SERGEF: variants seen among roughly 807,000 people sequenced by gnomAD.
The protein encoded by SERGEF is secretion-regulating guanine nucleotide exchange factor.
In SERGEF, 51 loss-of-function variants were observed where a neutral mutation model predicts 50.0. The ratio of observed to expected loss-of-function variants is 1.02; its 90% CI spans 0.81 to 1.29. The LOEUF (loss-of-function observed/expected upper bound fraction) is 1.29, where lower values mean the gene tolerates loss of function less well. Ranked by LOEUF, SERGEF falls within the 50% of genes most tolerant of loss-of-function variation. The pLI, the probability that SERGEF is intolerant of heterozygous loss-of-function variation, is 0.00. For synonymous variants in SERGEF, 205 were observed against 212.4 expected (o/e 0.97, Z 0.30); for missense variants, 521 against 557.0 (o/e 0.94, Z 0.65).
At chr11:17,842,476 C>T (rs1467891124) in intron 10 of SERGEF, among the ~76,000 whole-genome samples, 10 of 152,152 alleles carry the variant, frequency 6.6e-5, no homozygotes, top group Admixed American at 6.5e-4. Flanking sequence ...GGCGTGGTAC[C>T]AAGACCATGC....
At chr11:17,937,154 G>A (rs952700389) in intron 9 of SERGEF, among the ~76,000 whole-genome samples, 2 of 151,892 alleles carry the variant, frequency 1.3e-5, no homozygotes, top group Admixed American at 6.6e-5. Flanking sequence ...TATAATTGTA[G>A]GTGGAAATAT....
intron 9 of SERGEF, among the ~76,000 whole-genome samples, chr11:17,883,965 G>A (rs189562915): frequency 7.9e-5 from 12 of 152,258 alleles, no homozygotes; most frequent in African/African-American, 2.9e-4. Flanking sequence ...CGGAAGAGTG[G>A]GGTGGGAAAC....
chr11:17,924,046 C>T (rs1422391841), intron 9 of SERGEF, among the ~76,000 whole-genome samples: 2 of 152,162 alleles, frequency 1.3e-5, no homozygotes. Context: ...AATCTCTACA[C>T]CCAAGGAGGA....
intron 10 of SERGEF, among the ~76,000 whole-genome samples, chr11:17,827,683 A>G (rs1404317523): frequency 6.6e-6 from 1 of 152,134 alleles, no homozygotes; most frequent in Non-Finnish European, 1.5e-5. Flanking sequence ...CAGATTTGGG[A>G]AATGATCCTC....
chr11:17,849,692 T>C (rs985470366), intron 10 of SERGEF, among the ~76,000 whole-genome samples: 2 of 152,214 alleles, frequency 1.3e-5, no homozygotes, highest in African/African-American at 4.8e-5. Flanking sequence ...TTTATATACA[T>C]TATTTAGAAT....
At chr11:17,975,319 C>T (rs1286133792) in intron 8 of SERGEF, among the ~76,000 whole-genome samples, 1 of 152,194 alleles carries the variant, frequency 6.6e-6, no homozygotes, top group Non-Finnish European at 1.5e-5. Context: ...TGGTAAAATG[C>T]CTGGCATACA....
At chr11:17,846,490 G>T (rs777346767) in intron 10 of SERGEF, 11 of 355,938 alleles carry the variant, frequency 3.1e-5, no homozygotes, top group Non-Finnish European at 5.5e-5. Context: ...TCCTGATTCA[G>T]ATAAGTTCAG....
rs552074752 is a variant in SERGEF at position 17,968,386 on chromosome 11, G to A, written c.845-8750C>T. 2.0e-5 allele frequency among the ~76,000 whole-genome samples: 3 copies of A among 152,334 alleles called. No homozygotes were observed. In the East Asian group the frequency reaches 5.8e-4, roughly 29 times the overall value. On this transcript the variant is annotated intron_variant, in intron 8 of 10. Transcript: ENST00000265965. ...GAGCACTTTCTATACACCAGGTGCT[G>A]TCCTAGGTGCTAGGGGCTACTGCAC...
At chr11:17,948,394 C>G (rs745503595) in intron 9 of SERGEF, among the ~76,000 whole-genome samples, 5 of 152,134 alleles carry the variant, frequency 3.3e-5, no homozygotes, top group African/African-American at 9.7e-5. Context: ...AAGATCAAGC[C>G]GCAGTGTAGT....
At chr11:17,863,233 C>A (rs1850958197) in intron 10 of SERGEF, among the ~76,000 whole-genome samples, 1 of 152,218 alleles carries the variant, frequency 6.6e-6, no homozygotes, top group Admixed American at 6.5e-5. Context: ...TACTTAACTA[C>A]ATCACTTCAG....
chr11:17,994,475 CAAAA>C (rs58280362), intron 6 of SERGEF, among the ~76,000 whole-genome samples: 2 of 63,714 alleles, frequency 3.1e-5, no homozygotes, highest in African/African-American at 6.9e-5. Context: ...GACTCTGTCT[CAAAA>C]AAAAAAAAAA....
intron 10 of SERGEF, among the ~76,000 whole-genome samples, chr11:17,851,592 T>C (rs1850714980): frequency 6.6e-6 from 1 of 152,134 alleles, no homozygotes; most frequent in Non-Finnish European, 1.5e-5. Context: ...TTTACTGCTG[T>C]GCTCCCCAAA....
intron 10 of SERGEF, among the ~76,000 whole-genome samples, chr11:17,832,576 TG>T (rs1277797009): frequency 6.6e-6 from 1 of 152,186 alleles, no homozygotes; most frequent in Admixed American, 6.5e-5. Flanking sequence ...AGGCAGAGGT[TG>T]GAACAGTTTG....
intron 8 of SERGEF, among the ~76,000 whole-genome samples, chr11:17,960,299 C>G (rs1852970746): frequency 6.6e-6 from 1 of 152,192 alleles, no homozygotes; most frequent in Non-Finnish European, 1.5e-5. Context: ...CCCCCAGATG[C>G]ACCACATGGG....
chr11:17,948,958 G>A (rs1222259914), intron 9 of SERGEF, among the ~76,000 whole-genome samples: 3 of 152,194 alleles, frequency 2.0e-5, no homozygotes, highest in Non-Finnish European at 4.4e-5. Flanking sequence ...AGATGCAGGA[G>A]GTGGTGGCCA....
At chr11:17,869,391 C>G (rs939427195) in intron 10 of SERGEF, among the ~76,000 whole-genome samples, 1 of 152,174 alleles carries the variant, frequency 6.6e-6, no homozygotes, top group African/African-American at 2.4e-5. Context: ...TAGAAAAAGA[C>G]TGACAATATA....
Position 17,816,262 on chromosome 11 carries a change from C to A in SERGEF, c.1049-27849G>T, listed in dbSNP as rs192370768. Among the ~76,000 whole-genome samples, 5 of 152,262 alleles carry A rather than the reference C, an allele frequency of 3.3e-5. No homozygotes were observed. In the East Asian group the frequency reaches 9.7e-4, roughly 29 times the overall value. On this transcript the variant is annotated intron_variant, in intron 10 of 10. Coordinates refer to ENST00000265965, the MANE Select transcript of SERGEF (RefSeq NM_012139.4). ...AACTCTAGTCTAAGGATGGATGAAACCCTCTTTCCTCAGTTCCCATTAGTG... is the reference window on the plus strand; with the variant it reads ...AACTCTAGTCTAAGGATGGATGAAAACCTCTTTCCTCAGTTCCCATTAGTG...
chr11:17,987,432 T>C (rs1284065404), intron 8 of SERGEF, among the ~76,000 whole-genome samples: 2 of 152,332 alleles, frequency 1.3e-5, no homozygotes, highest in Non-Finnish European at 2.9e-5. Flanking sequence ...CTATGCTCAG[T>C]GAGTCTCTTT....
rs1202371335 is a variant in SERGEF, at chr11:17,859,284, A to G, written c.1048+18924T>C. 2.0e-5 allele frequency among the ~76,000 whole-genome samples: 3 copies of G among 152,234 alleles called. No homozygotes were observed. The South Asian group carries it at 6.2e-4, about 32-fold the overall frequency. On this transcript the variant is annotated intron_variant, in intron 10 of 10. Coordinates refer to ENST00000265965, the MANE Select transcript of SERGEF (RefSeq NM_012139.4). ...ATGGCAATATAAACAAGAACAGAAA[A>G]CTATTTTAAAGGATTAAAAATAAGA...
Sources: allele counts gnomAD v4.1 joint callset (sites outside exome capture counted in the v4.1 genomes callset), GRCh38; gene constraint gnomAD v4.1.1; transcripts MANE v1.5; gene names NCBI Gene and HGNC (gene_info 2026-07-23, HGNC 2026-07-21).